SYNJ2: variants seen among roughly 807,000 people sequenced by gnomAD.
SYNJ2 encodes polyphosphatidylinositol phosphatase SYNJ2.
A neutral mutation model predicts 141.3 loss-of-function variants in SYNJ2; 116 were observed. That is an observed-to-expected ratio of 0.82 (90% CI 0.71 to 0.96). SYNJ2 has a LOEUF of 0.96. SYNJ2 is among the 40% of genes least tolerant of loss of function. SYNJ2 has a pLI of 0.00. For missense variants in SYNJ2, 1,873 were observed against 1,934.8 expected, an observed-to-expected ratio of 0.97 and a Z score of 0.60; for synonymous variants, 745 against 777.7, an observed-to-expected ratio of 0.96 and a Z score of 0.70.
chr6:157,987,825 C>T (rs1777263370), intron 1 of SYNJ2, among the ~76,000 whole-genome samples: 1 of 152,236 alleles, frequency 6.6e-6, no homozygotes, highest in Non-Finnish European at 1.5e-5. Flanking sequence ...TTTCGTGTGG[C>T]CAGCAGCAGA....
At chr6:158,056,602 C>T (rs776819314) in intron 6 of SYNJ2, among the ~76,000 whole-genome samples, 12 of 152,218 alleles carry the variant, frequency 7.9e-5, no homozygotes, top group Non-Finnish European at 1.5e-4. Flanking sequence ...GCCTAGTGGC[C>T]GCAGTGGGGC....
chr6:157,991,857 C>T (rs1287223480), intron 1 of SYNJ2, among the ~76,000 whole-genome samples: 2 of 152,116 alleles, frequency 1.3e-5, no homozygotes, highest in Non-Finnish European at 2.9e-5. Flanking sequence ...TTCCTACAAC[C>T]AGCAAAAACT....
At chr6:158,094,104 G>A in intron 26 of SYNJ2, 1 of 670,116 alleles carries the variant, frequency 1.5e-6, no homozygotes, top group Non-Finnish European at 2.7e-6. Context: ...GGGGGCTTCG[G>A]CTTCACTCTT....
At chr6:158,023,285 A>AAAG (rs1453237217) in intron 2 of SYNJ2, among the ~76,000 whole-genome samples, 1 of 151,084 alleles carries the variant, frequency 6.6e-6, no homozygotes, top group Non-Finnish European at 1.5e-5. Context: ...AAAAAAGCAA[A>AAAG]CAAACAAAAA....
chr6:158,049,294 C>A (rs911990649), intron 5 of SYNJ2, among the ~76,000 whole-genome samples: 1 of 152,008 alleles, frequency 6.6e-6, no homozygotes, highest in Non-Finnish European at 1.5e-5. Flanking sequence ...AGTGGTGGAC[C>A]CTGCCCTCAG....
rs565161353 is a variant in SYNJ2, at chr6:158,043,672, G to A, written c.795+273G>A. Among the ~76,000 whole-genome samples the A allele has an allele frequency of 3.9e-5, 6 of 152,260 alleles. No homozygotes were observed. The highest frequency in any genetic ancestry group is 1.3e-4 in the Admixed American group (2 of 15,290). On this transcript the variant is annotated intron_variant, in intron 5 of 26. Transcript: ENST00000355585. This position sits in a 1 kb window ranked among gnomAD's most constrained non-coding sequence, Gnocchi z 4.0. ...ACCGCTGACTCGGGAACGGTGCTGC[G>A]GTGCCTGCTGAGTGGGTGCCGCGAA...
rs1433886722 is a variant in SYNJ2 at position 158,097,781 on chromosome 6, C to T, written c.*1417C>T. Reference sequence around the variant, plus strand: ...ATATTGCAGATTACTTAAATATGGCCATCAAAACAAAAGTTACAACACGTA... The same window carrying T: ...ATATTGCAGATTACTTAAATATGGCTATCAAAACAAAAGTTACAACACGTA... On this transcript the variant is annotated 3_prime_UTR_variant, in exon 27 of 27. Coordinates refer to ENST00000355585, the MANE Select transcript of SYNJ2 (RefSeq NM_003898.4). 1 of 150,830 alleles carries T rather than the reference C, an allele frequency of 6.6e-6. No homozygotes were observed. The highest frequency in any genetic ancestry group is 2.4e-5 in the African/African-American group (1 of 40,922). 9.3% of individuals were successfully genotyped at this position (150,830 alleles called of 1,614,324 possible). A position where few individuals can be genotyped will look rare whatever the true frequency, so the allele number is the denominator to read the frequency against.
chr6:158,053,101 A>G (rs2128354047), intron 5 of SYNJ2, among the ~76,000 whole-genome samples: 1 of 152,196 alleles, frequency 6.6e-6, no homozygotes, highest in African/African-American at 2.4e-5. Flanking sequence ...ACATTTTCCT[A>G]GTGTTTCATT....
At chr6:157,998,653 T>C (rs964958233) in intron 1 of SYNJ2, among the ~76,000 whole-genome samples, 4 of 152,206 alleles carry the variant, frequency 2.6e-5, no homozygotes. Context: ...ACTTTCAAAG[T>C]ATTAGAAAAT....
chr6:158,078,059 G>A, intron 17 of SYNJ2, 105 bp from the exon 18 acceptor site: 1 of 674,548 alleles, frequency 1.5e-6, no homozygotes, highest in Non-Finnish European at 2.6e-6. Context: ...TCTGGGACGT[G>A]GGGTGGTTCG....
chr6:158,067,973 A>G (rs1781667425), intron 12 of SYNJ2: 2 of 985,070 alleles, frequency 2.0e-6, no homozygotes, highest in East Asian at 1.1e-4. Flanking sequence ...GAAGGTGTGC[A>G]TGTTTTTAGC....
Position 157,981,880 on chromosome 6 carries a change from C to A in SYNJ2, c.-82C>A. 1.7e-6 allele frequency: 2 copies of A among 1,168,926 alleles called. No homozygotes were observed. Among genetic ancestry groups the A allele is most frequent in the Non-Finnish European group, 2.1e-6 (2 of 933,884 alleles). 72.4% of individuals were successfully genotyped at this position (1,168,926 alleles called of 1,614,324 possible). Reference sequence around the variant, plus strand: ...CGCAAAGTGAAACTCTGGCAAGTTGCGGGCGCGCGGGGAGCTGTCGCGGGC... The same window carrying A: ...CGCAAAGTGAAACTCTGGCAAGTTGAGGGCGCGCGGGGAGCTGTCGCGGGC... On this transcript the variant is annotated 5_prime_UTR_variant, in exon 1 of 27. Transcript: ENST00000355585. The surrounding 1 kb of genome is among the most constrained non-coding windows in gnomAD (Gnocchi z 6.4).
rs1391759377 is a variant in SYNJ2, at chr6:157,982,936, A to C, written c.127+848A>C. ...CCCTTGTTTTGTGCTAACCATTATAAGGAAAACCTGGGTAGCACCAAAGCA... is the reference window on the plus strand; with the variant it reads ...CCCTTGTTTTGTGCTAACCATTATACGGAAAACCTGGGTAGCACCAAAGCA... On this transcript the variant is annotated intron_variant, in intron 1 of 26. Coordinates refer to ENST00000355585, the MANE Select transcript of SYNJ2 (RefSeq NM_003898.4). This position sits in a 1 kb window ranked among gnomAD's most constrained non-coding sequence, Gnocchi z 4.0. 6.6e-6 allele frequency among the ~76,000 whole-genome samples: 1 copy of C among 152,196 alleles called. No homozygotes were observed. The highest frequency in any genetic ancestry group is 2.4e-5 in the African/African-American group (1 of 41,444).
rs987854058 is a variant in SYNJ2 at position 158,026,852 on chromosome 6, G to A, written c.215-1904G>A. Reference sequence around the variant, plus strand: ...GAAGAGGCAGGTGGGTGCCGGGAGCGCTCTGTGGCCAAGGCTCTGATCACA... The same window carrying A: ...GAAGAGGCAGGTGGGTGCCGGGAGCACTCTGTGGCCAAGGCTCTGATCACA... On this transcript the variant is annotated intron_variant, in intron 2 of 26. Coordinates refer to ENST00000355585, the MANE Select transcript of SYNJ2 (RefSeq NM_003898.4). 98 of 985,398 alleles carry A rather than the reference G, an allele frequency of 9.9e-5. No individual in the cohort carries two copies. The African/African-American group carries it at 1.2e-3, about 12-fold the overall frequency. The allele number at this position is 985,398 out of a possible 1,614,324, so 61.0% of individuals were successfully genotyped here. A position where few individuals can be genotyped will look rare whatever the true frequency, so the allele number is the denominator to read the frequency against.
intron 4 of SYNJ2, among the ~76,000 whole-genome samples, chr6:158,034,343 A>AAC (rs978640075): frequency 4.6e-5 from 7 of 152,230 alleles, no homozygotes; most frequent in Admixed American, 6.5e-5. Context: ...AAGAAAGGAA[A>AAC]ACCCCGGAAG....
chr6:158,074,810 T>A, intron 16 of SYNJ2, 72 bp downstream of exon 16: 1 of 1,553,270 alleles, frequency 6.4e-7, no homozygotes. Flanking sequence ...ATGTAGAGGC[T>A]GGTGCAGCAA....
At chr6:158,073,639 A>G (rs1355803453) in intron 15 of SYNJ2, among the ~76,000 whole-genome samples, 2 of 152,232 alleles carry the variant, frequency 1.3e-5, no homozygotes, top group Non-Finnish European at 2.9e-5. Context: ...CCATGTGGCC[A>G]GTGGCTCCTG....
intron 2 of SYNJ2, among the ~76,000 whole-genome samples, chr6:158,023,085 A>C (rs1282277036): frequency 6.6e-6 from 1 of 152,050 alleles, no homozygotes; most frequent in Non-Finnish European, 1.5e-5. Flanking sequence ...CTATGTCTCT[A>C]CATAGTGATG....
At chr6:158,079,731 G>A (rs1782554971) in intron 18 of SYNJ2, among the ~76,000 whole-genome samples, 1 of 152,170 alleles carries the variant, frequency 6.6e-6, no homozygotes, top group African/African-American at 2.4e-5. Flanking sequence ...TGAATCTTGA[G>A]GAATCTTCAG....
Sources: allele counts gnomAD v4.1 joint callset (sites outside exome capture counted in the v4.1 genomes callset), GRCh38; gene constraint gnomAD v4.1.1; non-coding constraint Gnocchi (gnomAD v3.1); transcripts MANE v1.5; gene names NCBI Gene and HGNC (gene_info 2026-07-23, HGNC 2026-07-21).